DNAI1: variants seen among roughly 807,000 people sequenced by gnomAD.
The protein encoded by DNAI1 is dynein axonemal intermediate chain 1.
In DNAI1, 67 loss-of-function variants were observed where a neutral mutation model predicts 92.0. The observed-to-expected ratio is 0.73, with a 90% confidence interval of 0.60 to 0.89. The LOEUF (loss-of-function observed/expected upper bound fraction) is 0.89. Among genes scored for constraint, DNAI1 ranks in the 40% least tolerant of loss-of-function variants. DNAI1 has a pLI of 0.00. For synonymous variants in DNAI1, 323 were observed against 319.6 expected (o/e 1.01, Z -0.11); for missense variants, 839 against 866.6 (o/e 0.97, Z 0.40).
intron 12 of DNAI1, among the ~76,000 whole-genome samples, chr9:34,503,505 T>A (rs949559242): frequency 3.3e-5 from 5 of 152,232 alleles, no homozygotes; most frequent in African/African-American, 4.8e-5. Context: ...TTGACTCTGG[T>A]GAGCTGAGTC....
At chr9:34,493,073 A>G in intron 8 of DNAI1, 121 bp from the exon 9 acceptor site, 1 of 1,330,092 alleles carries the variant, frequency 7.5e-7, no homozygotes, top group East Asian at 2.3e-5. Flanking sequence ...CAACAGGCCA[A>G]GTAGAAGATG....
chr9:34,496,546 G>A (rs1163604810), intron 9 of DNAI1, among the ~76,000 whole-genome samples: 1 of 152,210 alleles, frequency 6.6e-6, no homozygotes, highest in Non-Finnish European at 1.5e-5. Flanking sequence ...TCATTGGTCT[G>A]GGCTGTGGGG....
At chr9:34,480,533 C>T (rs1417953033) in intron 1 of DNAI1, among the ~76,000 whole-genome samples, 1 of 152,042 alleles carries the variant, frequency 6.6e-6, no homozygotes, top group African/African-American at 2.4e-5. Flanking sequence ...CCACCTCAGC[C>T]TGGGATTACA....
At position 34,514,397 on chromosome 9, in the gene DNAI1, T is replaced by C; in HGVS notation, c.1573T>C (p.Ser525Pro). 6.2e-7 allele frequency: 1 copy of C among 1,614,040 alleles called. No homozygotes were observed. The highest frequency in any genetic ancestry group is 1.1e-5 in the South Asian group (1 of 91,084). Residue 525 changes from serine (S) to proline (P), a missense_variant, in exon 17 of 20, where the codon TCT (serine) becomes CCT (proline). Transcript: ENST00000242317. ...GTEEGKIYKCSKSYSSQFLDT... is the reference protein window; with the variant it reads ...GTEEGKIYKCPKSYSSQFLDT... ...CCCCCGTTCCCTCCCCGACCAGTGCTCTAAATCCTACTCCAGCCAATTCCT... is the reference window on the plus strand; with the variant it reads ...CCCCCGTTCCCTCCCCGACCAGTGCCCTAAATCCTACTCCAGCCAATTCCT...
intron 11 of DNAI1, 146 bp from the exon 12 acceptor site, chr9:34,500,992 C>G (rs1824821287): frequency 3.1e-6 from 3 of 957,726 alleles, no homozygotes; most frequent in Non-Finnish European, 3.4e-6. Flanking sequence ...CACAAGACCA[C>G]CCCCAGGACT....
intron 1 of DNAI1, among the ~76,000 whole-genome samples, chr9:34,476,098 A>G: frequency 6.6e-6 from 1 of 152,148 alleles, no homozygotes; most frequent in African/African-American, 2.4e-5. Flanking sequence ...TAAAAGGGGA[A>G]CAGTTTTACC....
chr9:34,517,336 C>T lies in DNAI1; in HGVS notation c.1870C>T (p.Pro624Ser). The T allele has an allele frequency of 1.9e-6, 3 of 1,614,136 alleles. No individual in the cohort carries two copies. Among genetic ancestry groups the T allele is most frequent in the Non-Finnish European group, 2.5e-6 (3 of 1,180,028 alleles). The part of the protein sequence containing the change: ...INKYEAICNQ[P>S]VAAKKNRLTH... ...CAAGTATGAGGCCATCTGCAACCAGCCTGTGGCGGCCAAAAAGAACAGGCT... is the reference window on the plus strand; with the variant it reads ...CAAGTATGAGGCCATCTGCAACCAGTCTGTGGCGGCCAAAAAGAACAGGCT... The change falls in exon 19 of 20, where the codon CCT (proline) becomes TCT (serine). Residue 624 changes from proline (P) to serine (S), a missense_variant. Physicochemically the swap from Pro to Ser is moderately conservative, Grantham distance 74. Transcript: ENST00000242317.
intron 1 of DNAI1, among the ~76,000 whole-genome samples, chr9:34,476,903 A>G (rs1824246969): frequency 1.3e-5 from 2 of 152,232 alleles, no homozygotes; most frequent in East Asian, 1.9e-4. Context: ...GGAGAATTGT[A>G]CGTGACTGAA....
Position 34,485,165 on chromosome 9 carries a change from G to A in DNAI1, c.105G>A (p.Val35=), listed in dbSNP as rs1172043326. Reference sequence around the variant, plus strand: ...AGGATGAAGATTCAGGGACTGAAGTGGGAGAAGGCACAGATGAATGGGCCC... The same window carrying A: ...AGGATGAAGATTCAGGGACTGAAGTAGGAGAAGGCACAGATGAATGGGCCC... ...RKRDEDSGTE[V]GEGTDEWAQS... Residue 35 remains valine (V), a synonymous_variant, in exon 3 of 20, where the codon GTG becomes GTA. Transcript: ENST00000242317. 1 of 1,614,186 alleles carries A rather than the reference G, an allele frequency of 6.2e-7. No individual in the cohort carries two copies. The highest frequency in any genetic ancestry group is 1.3e-5 in the African/African-American group (1 of 75,052).
At chr9:34,463,253 T>C (rs1365975722) in intron 1 of DNAI1, among the ~76,000 whole-genome samples, 1 of 152,284 alleles carries the variant, frequency 6.6e-6, no homozygotes, top group East Asian at 1.9e-4. Context: ...ACACATGTTC[T>C]GGATCAGCAA....
At chr9:34,468,139 G>C (rs1269273505) in intron 1 of DNAI1, among the ~76,000 whole-genome samples, 4 of 151,430 alleles carry the variant, frequency 2.6e-5, no homozygotes, top group Non-Finnish European at 5.9e-5. Context: ...TGAATGTGAA[G>C]ATGGATCCAT....
intron 1 of DNAI1, among the ~76,000 whole-genome samples, chr9:34,470,530 A>T (rs961330183): frequency 6.6e-6 from 1 of 152,234 alleles, no homozygotes; most frequent in African/African-American, 2.4e-5. Context: ...TTTTAAAATG[A>T]CAAAGGGTCA....
At chr9:34,485,066 G>T in intron 2 of DNAI1, 76 bp from the exon 3 acceptor site, 2 of 1,459,196 alleles carry the variant, frequency 1.4e-6, no homozygotes, top group South Asian at 2.3e-5. Context: ...GGGAGTGTTT[G>T]TGAATGAAGG....
intron 5 of DNAI1, 101 bp downstream of exon 5, chr9:34,489,550 C>G (rs1400461237): frequency 7.0e-7 from 1 of 1,424,068 alleles, no homozygotes; most frequent in African/African-American, 1.4e-5. Context: ...TTCAGAGCTT[C>G]TGCTAACATA....
intron 8 of DNAI1, 55 bp from the exon 9 acceptor site, chr9:34,493,139 T>C: frequency 6.2e-7 from 1 of 1,613,392 alleles, no homozygotes; most frequent in Non-Finnish European, 8.5e-7. Context: ...TGAAAAGAGC[T>C]GTCTGGGTAA....
intron 7 of DNAI1, among the ~76,000 whole-genome samples, chr9:34,490,976 A>G (rs367675265): frequency 2.0e-5 from 3 of 152,202 alleles, no homozygotes; most frequent in African/African-American, 7.2e-5. Flanking sequence ...ACAGAAATGA[A>G]TCTACAGATG....
chr9:34,471,109 A>C lies in DNAI1; in HGVS notation c.48+12056A>C, dbSNP rs1824126293. On this transcript the variant is annotated intron_variant, in intron 1 of 19. Transcript: ENST00000242317. Reference sequence around the variant, plus strand: ...GTGCTGCTAGAATTGTGCTTAATAGAAAGGTATAGTTTTAAACGCTGTATT... The same window carrying C: ...GTGCTGCTAGAATTGTGCTTAATAGCAAGGTATAGTTTTAAACGCTGTATT... 4.6e-5 allele frequency among the ~76,000 whole-genome samples: 7 copies of C among 152,272 alleles called. No homozygotes were observed. The South Asian group carries it at 1.2e-3, about 27-fold the overall frequency.
chr9:34,479,584 G>T (rs957243848), intron 1 of DNAI1, among the ~76,000 whole-genome samples: 11 of 152,188 alleles, frequency 7.2e-5, no homozygotes, highest in African/African-American at 2.7e-4. Flanking sequence ...GGGGGCAGCG[G>T]TAACTGGATC....
intron 18 of DNAI1, among the ~76,000 whole-genome samples, chr9:34,516,569 G>A (rs1271007571): frequency 6.6e-6 from 1 of 152,022 alleles, no homozygotes; most frequent in Non-Finnish European, 1.5e-5. Context: ...TTACTAGCAG[G>A]TTAGCCTCTA....
Sources: allele counts gnomAD v4.1 joint callset (sites outside exome capture counted in the v4.1 genomes callset), GRCh38; gene constraint gnomAD v4.1.1; transcripts MANE v1.5; gene names NCBI Gene and HGNC (gene_info 2026-07-23, HGNC 2026-07-21).